Variants in ELFN2 observed in about 807,000 individuals in gnomAD.
The protein encoded by ELFN2 is protein phosphatase 1 regulatory subunit 29.
Under a neutral mutation model 45.5 loss-of-function variants are expected in ELFN2, and 17 were observed. The observed-to-expected ratio is 0.37, with a 90% CI of 0.26 to 0.56. The LOEUF is 0.56. Among genes scored for constraint, ELFN2 ranks in the 20% least tolerant of loss-of-function variants. ELFN2 has a pLI of 0.77. For synonymous variants in ELFN2, 550 were observed against 551.5 expected (o/e 1.00, Z 0.04); for missense variants, 922 against 1,183.2 (o/e 0.78, Z 3.24).
chr22:37,378,991 C>T (rs1457550911), intron 2 of ELFN2, among the ~76,000 whole-genome samples: 1 of 152,182 alleles, frequency 6.6e-6, no homozygotes, highest in Non-Finnish European at 1.5e-5. Flanking sequence ...GAGGGTGGTC[C>T]TCCCACACAC....
At chr22:37,349,279 G>A (rs1343803096) in intron 1 of ELFN2, among the ~76,000 whole-genome samples, 1 of 151,242 alleles carries the variant, frequency 6.6e-6, no homozygotes, top group Admixed American at 6.6e-5. Flanking sequence ...GGATGAGGGT[G>A]GCCTGGTGGC....
At chr22:37,399,998 C>G (rs1043386098) in intron 2 of ELFN2, among the ~76,000 whole-genome samples, 1 of 152,142 alleles carries the variant, frequency 6.6e-6, no homozygotes, top group Admixed American at 6.5e-5. Context: ...AACAACTGCC[C>G]AAAGCCAGGC....
intron 1 of ELFN2, among the ~76,000 whole-genome samples, chr22:37,350,519 C>T (rs901135478): frequency 2.0e-5 from 3 of 150,436 alleles, no homozygotes; most frequent in Admixed American, 6.6e-5. Context: ...TAGAGACAGC[C>T]GCAGGCCCTA....
intron 1 of ELFN2, among the ~76,000 whole-genome samples, chr22:37,350,273 G>A (rs921519157): frequency 2.7e-5 from 4 of 150,938 alleles, no homozygotes; most frequent in Admixed American, 6.6e-5. Context: ...AGAACGGGTG[G>A]GAGCCAAGGA....
At chr22:37,351,242 T>G (rs73164581) in intron 1 of ELFN2, among the ~76,000 whole-genome samples, 23 of 148,790 alleles carry the variant, frequency 1.5e-4, no homozygotes, top group African/African-American at 5.4e-4. Context: ...CCTCACTGTC[T>G]TCTCCTTGTT....
At position 37,376,022 on chromosome 22, in the gene ELFN2, G is replaced by A. The variant is rs73164602; in HGVS notation, c.-462-26C>T. On this transcript the variant is annotated intron_variant, in intron 2 of 2. Coordinates refer to ENST00000402918, the MANE Select transcript of ELFN2 (RefSeq NM_052906.5). ...CTGAAAGGCAGCATCGAGAGCGGGT[G>A]ACAGATCAGTGTGAGGGCTCAGAGC... 349 of 179,886 alleles carry A rather than the reference G, an allele frequency of 1.9e-3. 2 individuals carry two copies. The highest frequency in any genetic ancestry group is 3.2e-3 in the Non-Finnish European group (281 of 86,686). The allele number at this position is 179,886 out of a possible 1,614,324, so 11.1% of individuals were successfully genotyped here. A position where few individuals can be genotyped will look rare whatever the true frequency, so the allele number is the denominator to read the frequency against.
In ELFN2 at chr22:37,380,241, A is replaced by G. The variant is rs1461183504; in HGVS notation, c.-462-4245T>C. 2.0e-5 allele frequency among the ~76,000 whole-genome samples: 3 copies of G among 152,206 alleles called. No individual in the cohort carries two copies. The East Asian group carries it at 5.8e-4, about 29-fold the overall frequency. ...GCTGGGTGAGAGGGTGAACAGAGCG[A>G]GGCCAGCTGGGGACGCAGGCAGCGG... On this transcript the variant is annotated intron_variant, in intron 2 of 2. Coordinates refer to ENST00000402918, the MANE Select transcript of ELFN2 (RefSeq NM_052906.5).
chr22:37,380,568 G>A (rs542093473), intron 2 of ELFN2, among the ~76,000 whole-genome samples: 30 of 152,248 alleles, frequency 2.0e-4, no homozygotes, highest in African/African-American at 6.7e-4. Flanking sequence ...CGTGAGGCTC[G>A]GCCAGGGAAA....
At chr22:37,422,131 C>G (rs1193291007) in intron 1 of ELFN2, among the ~76,000 whole-genome samples, 1 of 152,118 alleles carries the variant, frequency 6.6e-6, no homozygotes, top group Non-Finnish European at 1.5e-5. Flanking sequence ...CTTAGGCGCC[C>G]CCAACCCCAG....
At chr22:37,410,086 C>A (rs1379164219) in intron 2 of ELFN2, among the ~76,000 whole-genome samples, 1 of 152,176 alleles carries the variant, frequency 6.6e-6, no homozygotes, top group Non-Finnish European at 1.5e-5. Context: ...CACACATACA[C>A]ACACACCTGC....
intron 2 of ELFN2, among the ~76,000 whole-genome samples, chr22:37,388,059 C>G (rs1474336798): frequency 6.6e-6 from 1 of 151,954 alleles, no homozygotes; most frequent in African/African-American, 2.4e-5. Context: ...CCTCCCCCTA[C>G]TGCTCCTGCT....
At chr22:37,396,508 T>C (rs1932215117) in intron 2 of ELFN2, among the ~76,000 whole-genome samples, 1 of 152,186 alleles carries the variant, frequency 6.6e-6, no homozygotes, top group South Asian at 2.1e-4. Context: ...TCAGACCCTC[T>C]GGGGCACTTT....
At chr22:37,405,868 G>A (rs776375461) in intron 2 of ELFN2, among the ~76,000 whole-genome samples, 23 of 151,838 alleles carry the variant, frequency 1.5e-4, no homozygotes, top group Non-Finnish European at 2.8e-4. Flanking sequence ...CAGGCACAAT[G>A]GCTCGCGCTT....
intron 2 of ELFN2, among the ~76,000 whole-genome samples, chr22:37,411,746 CT>C (rs1422696875): frequency 6.6e-6 from 1 of 152,168 alleles, no homozygotes; most frequent in Non-Finnish European, 1.5e-5. Context: ...CCTGGCAACC[CT>C]GTGGGCCTAC....
chr22:37,342,153 G>A (rs766302297), intron 2 of ELFN2, among the ~76,000 whole-genome samples: 29 of 152,130 alleles, frequency 1.9e-4, no homozygotes, highest in Non-Finnish European at 3.1e-4. Context: ...CCTGGAGACC[G>A]AGCAAGTCTT....
chr22:37,402,177 C>G (rs1932379941), intron 2 of ELFN2, among the ~76,000 whole-genome samples: 1 of 152,246 alleles, frequency 6.6e-6, no homozygotes, highest in African/African-American at 2.4e-5. Flanking sequence ...TTAGTTGTCT[C>G]TGGCACAGAG....
At chr22:37,408,005 C>G (rs539043915) in intron 2 of ELFN2, among the ~76,000 whole-genome samples, 1 of 152,316 alleles carries the variant, frequency 6.6e-6, no homozygotes, top group South Asian at 2.1e-4. Context: ...ACCTCTGTTT[C>G]ATGCACACAG....
chr22:37,423,305 G>T (rs1303014194), intron 1 of ELFN2, among the ~76,000 whole-genome samples: 1 of 152,186 alleles, frequency 6.6e-6, no homozygotes, highest in African/African-American at 2.4e-5. Flanking sequence ...CAAAGCAAAG[G>T]GCGTCCGCCA....
intron 1 of ELFN2, among the ~76,000 whole-genome samples, chr22:37,355,252 C>T (rs931638734): frequency 1.3e-5 from 2 of 152,238 alleles, no homozygotes; most frequent in Non-Finnish European, 2.9e-5. Context: ...CACAGTGCTG[C>T]CTGGCAGGGA....
Sources: gnomAD v4.1 joint callset for allele counts (sites outside exome capture counted in the v4.1 genomes callset) on GRCh38, gnomAD v4.1.1 for gene constraint, MANE v1.5 for transcripts, NCBI Gene and HGNC (gene_info 2026-07-23, HGNC 2026-07-21) for gene names.